The following ENTREP2 variants were observed in gnomAD, a reference collection of about 807,000 sequenced individuals.
The protein encoded by ENTREP2 is protein ENTREP2.
the ENTREP2 span, among the ~76,000 whole-genome samples, chr15:29,667,755 C>G: frequency 1.4e-4 from 22 of 152,256 alleles, no homozygotes; most frequent in African/African-American, 4.6e-4. Flanking sequence ...CTCGGCCTCC[C>G]AAAGTGCTGG....
the ENTREP2 span, among the ~76,000 whole-genome samples, chr15:29,345,603 T>C: frequency 6.6e-6 from 1 of 152,052 alleles, no homozygotes; most frequent in African/African-American, 2.4e-5. Context: ...GGGACAGTTC[T>C]GGGACATTCT....
chr15:29,353,315 C>G, the ENTREP2 span, among the ~76,000 whole-genome samples: 1 of 152,150 alleles, frequency 6.6e-6, no homozygotes, highest in Non-Finnish European at 1.5e-5. Flanking sequence ...CAAAAGAGAA[C>G]TGGCCATGAA....
the ENTREP2 span, among the ~76,000 whole-genome samples, chr15:29,482,321 T>TA: frequency 1.3e-5 from 2 of 152,134 alleles, no homozygotes; most frequent in Non-Finnish European, 2.9e-5. Flanking sequence ...GTACATTTCT[T>TA]ACAATCAATG....
the ENTREP2 span, among the ~76,000 whole-genome samples, chr15:29,333,429 C>T: frequency 1.3e-5 from 2 of 152,106 alleles, no homozygotes; most frequent in Non-Finnish European, 2.9e-5. Context: ...GCACCCCCCG[C>T]CCCACTTGAC....
chr15:29,161,228 A>T, the ENTREP2 span, among the ~76,000 whole-genome samples: 1 of 152,122 alleles, frequency 6.6e-6, no homozygotes, highest in Non-Finnish European at 1.5e-5. Context: ...AGAAACCTTG[A>T]GGAAGGAGGT....
At chr15:29,506,804 A>C in the ENTREP2 span, among the ~76,000 whole-genome samples, 1 of 152,310 alleles carries the variant, frequency 6.6e-6, no homozygotes, top group African/African-American at 2.4e-5. Context: ...GCAAAAACAA[A>C]CCAAAATGTA....
At chr15:29,642,473 G>A in the ENTREP2 span, among the ~76,000 whole-genome samples, 27 of 133,628 alleles carry the variant, frequency 2.0e-4, no homozygotes, top group East Asian at 2.4e-3. Context: ...TATATATACT[G>A]TATATACACA....
chr15:29,258,718 C>T, the ENTREP2 span, among the ~76,000 whole-genome samples: 1 of 152,108 alleles, frequency 6.6e-6, no homozygotes, highest in African/African-American at 2.4e-5. Flanking sequence ...AACTCCATAC[C>T]CATTAAACAA....
the ENTREP2 span, among the ~76,000 whole-genome samples, chr15:29,188,705 T>A: frequency 9.1e-4 from 139 of 152,332 alleles, 3 homozygotes; most frequent in East Asian, 0.025. Context: ...TTTGTTCTAA[T>A]GAAGCGACTC....
chr15:29,452,420 T>G, the ENTREP2 span: 1 of 152,246 alleles, frequency 6.6e-6, no homozygotes, highest in Admixed American at 6.5e-5. Context: ...GAAGGAGGCC[T>G]CATGCCACAT....
chr15:29,412,725 C>A, the ENTREP2 span, among the ~76,000 whole-genome samples: 2 of 151,890 alleles, frequency 1.3e-5, no homozygotes, highest in Non-Finnish European at 2.9e-5. Context: ...CACATTCTTA[C>A]CATATTTGTC....
At chr15:29,635,446 T>C in the ENTREP2 span, among the ~76,000 whole-genome samples, 1 of 152,142 alleles carries the variant, frequency 6.6e-6, no homozygotes, top group Non-Finnish European at 1.5e-5. Context: ...GCCTCGTCCA[T>C]AGTGTGCTCA....
the ENTREP2 span, chr15:29,613,527 G>A: frequency 1.5e-4 from 43 of 280,314 alleles, no homozygotes; most frequent in Non-Finnish European, 2.6e-4. Flanking sequence ...CACCTCCAGT[G>A]TAATGCCCTC....
chr15:29,231,871 A>G, the ENTREP2 span, among the ~76,000 whole-genome samples: 4 of 132,994 alleles, frequency 3.0e-5, no homozygotes, highest in African/African-American at 7.6e-5. Context: ...TCCATGAGGA[A>G]TAAGTTTTCT....
chr15:29,288,047 G>A, the ENTREP2 span, among the ~76,000 whole-genome samples: 1 of 152,158 alleles, frequency 6.6e-6, no homozygotes, highest in Non-Finnish European at 1.5e-5. Flanking sequence ...TATTCATACA[G>A]AAAAATGAAA....
At chr15:29,643,288 CAAAT>C in the ENTREP2 span, among the ~76,000 whole-genome samples, 1 of 152,082 alleles carries the variant, frequency 6.6e-6, no homozygotes, top group African/African-American at 2.4e-5. Flanking sequence ...AATAAAAACA[CAAAT>C]AACACGACTG....
the ENTREP2 span, among the ~76,000 whole-genome samples, chr15:29,382,762 A>C: frequency 1.3e-5 from 2 of 152,142 alleles, no homozygotes; most frequent in Non-Finnish European, 2.9e-5. Context: ...TGAGGATGAC[A>C]CTGGCTCTGA....
chr15:29,423,232 A>C, the ENTREP2 span, among the ~76,000 whole-genome samples: 3 of 152,232 alleles, frequency 2.0e-5, no homozygotes, highest in Admixed American at 6.5e-5. Flanking sequence ...TTGTATACAC[A>C]GTTGTTTACT....
the ENTREP2 span, among the ~76,000 whole-genome samples, chr15:29,323,411 C>T: frequency 5.4e-3 from 815 of 152,262 alleles, 5 homozygotes; most frequent in Non-Finnish European, 8.5e-3. Context: ...TGGAGGGTGG[C>T]GTCCTGAAGT....
Sources: allele counts gnomAD v4.1 joint callset (sites outside exome capture counted in the v4.1 genomes callset), GRCh38; gene constraint gnomAD v4.1.1; transcripts MANE v1.5; gene names NCBI Gene and HGNC (gene_info 2026-07-23, HGNC 2026-07-21).